PLA2G4C: variants seen among roughly 807,000 people sequenced by gnomAD.
The protein encoded by PLA2G4C is cytosolic phospholipase A2 gamma.
Under a neutral mutation model 73.8 loss-of-function variants are expected in PLA2G4C, and 64 were observed. The ratio of observed to expected loss-of-function variants is 0.87; its 90% confidence interval spans 0.71 to 1.07. The LOEUF (loss-of-function observed/expected upper bound fraction) is 1.07, where lower values mean the gene tolerates loss of function less well. Among genes scored for constraint, PLA2G4C ranks in the 50% least tolerant of loss-of-function variants. The pLI, the probability that PLA2G4C is intolerant of heterozygous loss-of-function variation, is 0.00. For missense variants in PLA2G4C, 622 were observed against 665.4 expected, an observed-to-expected ratio of 0.93 and a Z score of 0.72; for synonymous variants, 254 against 252.1, an observed-to-expected ratio of 1.01 and a Z score of -0.07.
chr19:48,055,011 C>T lies in PLA2G4C; in HGVS notation c.1296G>A (p.Lys432=). ...RATTDYCRRH[K]IPFPQVEEAE... ...CCTCTTCTACTTGGGGAAAGGGGAT[C>T]TTGTGGCGGCGGCAGTAGTCAGTGG... The change falls in exon 15 of 17, where the codon AAG becomes AAA. Residue 432 remains lysine (K), a synonymous_variant. Transcript: ENST00000599921. 1 of 1,612,928 alleles carries T rather than the reference C, an allele frequency of 6.2e-7. No homozygotes were observed. Among genetic ancestry groups the T allele is most frequent in the Non-Finnish European group, 8.5e-7 (1 of 1,179,724 alleles).
At chr19:48,079,215 G>C (rs562294967) in intron 10 of PLA2G4C, among the ~76,000 whole-genome samples, 1 of 152,016 alleles carries the variant, frequency 6.6e-6, no homozygotes, top group Non-Finnish European at 1.5e-5. Flanking sequence ...CATAGCCAAA[G>C]CAAAGACTAA....
chr19:48,080,920 A>T (rs1231284745), intron 10 of PLA2G4C, among the ~76,000 whole-genome samples: 1 of 145,832 alleles, frequency 6.9e-6, no homozygotes, highest in Non-Finnish European at 1.5e-5. Context: ...GCACTTTGGG[A>T]GGCTGAGGCG....
chr19:48,067,157 C>G (rs1026353404), intron 13 of PLA2G4C, among the ~76,000 whole-genome samples: 1 of 147,620 alleles, frequency 6.8e-6, no homozygotes, highest in Non-Finnish European at 1.5e-5. Context: ...AGGGAAAACC[C>G]ATACAAATGT....
intron 16 of PLA2G4C, among the ~76,000 whole-genome samples, chr19:48,050,673 C>CT (rs5828330): frequency 0.17 from 13,505 of 78,624 alleles, 3,548 homozygotes; most frequent in African/African-American, 0.48. Context: ...GAGTATGTGA[C>CT]TTTTTTTTTT....
chr19:48,102,280 C>T (rs1447258046), intron 4 of PLA2G4C, among the ~76,000 whole-genome samples: 4 of 151,820 alleles, frequency 2.6e-5, no homozygotes, highest in Non-Finnish European at 5.9e-5. Flanking sequence ...CACCTGAGGT[C>T]AGAAGTTTGA....
chr19:48,106,761 A>G, intron 1 of PLA2G4C, 200 bp from the exon 2 acceptor site: 1 of 567,076 alleles, frequency 1.8e-6, no homozygotes, highest in South Asian at 2.3e-5. Flanking sequence ...AATGGGAGAA[A>G]TATTTCAAGC....
chr19:48,077,902 C>A, intron 10 of PLA2G4C, 78 bp from the exon 11 acceptor site: 1 of 1,199,846 alleles, frequency 8.3e-7, no homozygotes, highest in Non-Finnish European at 1.2e-6. Context: ...CCTGCAGCGA[C>A]GTCTCTTTAA....
chr19:48,067,827 C>T lies in PLA2G4C; in HGVS notation c.1066G>A (p.Glu356Lys), dbSNP rs1968498387. The change falls in exon 13 of 17, where the codon GAA becomes AAA. Residue 356 changes from glutamate (E) to lysine (K), a missense_variant. Glu to Lys is a moderately conservative substitution (Grantham distance 56, BLOSUM62 1). Coordinates refer to ENST00000599921, the MANE Select transcript of PLA2G4C (RefSeq NM_003706.3). ...KKTGICASKW[E>K]WGTTHNFLYK... ...AGGAAGTTGTGAGTGGTCCCCCATTCCCACTTTGAAGCGCAAATGCCTGTT... is the reference window on the plus strand; with the variant it reads ...AGGAAGTTGTGAGTGGTCCCCCATTTCCACTTTGAAGCGCAAATGCCTGTT... 2.5e-6 allele frequency: 4 copies of T among 1,613,256 alleles called. No individual in the cohort carries two copies. The highest frequency in any genetic ancestry group is 3.4e-6 in the Non-Finnish European group (4 of 1,179,222).
chr19:48,084,969 CTCT>C, intron 10 of PLA2G4C, 87 bp downstream of exon 10: 2 of 907,904 alleles, frequency 2.2e-6, no homozygotes, highest in Non-Finnish European at 3.7e-6. Context: ...ATACACAGGC[CTCT>C]TTTCTGCCAC....
chr19:48,061,638 GAC>G (rs1164314949), intron 14 of PLA2G4C: 2 of 222,460 alleles, frequency 9.0e-6, no homozygotes, highest in African/African-American at 2.3e-5. Flanking sequence ...TGAGCAGGAA[GAC>G]ACGCGCTCGG....
At chr19:48,079,053 A>G (rs575276321) in intron 10 of PLA2G4C, among the ~76,000 whole-genome samples, 1 of 152,182 alleles carries the variant, frequency 6.6e-6, no homozygotes, top group East Asian at 1.9e-4. Context: ...TTTGTAGTAG[A>G]GATGGGGTTT....
chr19:48,098,297 T>C, intron 5 of PLA2G4C, 38 bp from the exon 6 acceptor site: 1 of 1,584,032 alleles, frequency 6.3e-7, no homozygotes, highest in South Asian at 1.1e-5. Context: ...GAGGGAGGCA[T>C]GTGGGTCCCA....
At chr19:48,101,674 C>T (rs1390398576) in intron 4 of PLA2G4C, among the ~76,000 whole-genome samples, 14 of 131,830 alleles carry the variant, frequency 1.1e-4, no homozygotes, top group East Asian at 2.3e-4. Context: ...CCTTTAATAT[C>T]TTTTTTTTTT....
chr19:48,098,300 G>GGGT (rs1306548856), intron 5 of PLA2G4C, 41 bp from the exon 6 acceptor site: 1 of 1,571,866 alleles, frequency 6.4e-7, no homozygotes, highest in African/African-American at 1.4e-5. Context: ...GGAGGCATGT[G>GGGT]GGTCCCACAG....
intron 16 of PLA2G4C, chr19:48,051,749 A>G (rs569555751): frequency 6.6e-6 from 1 of 152,118 alleles, no homozygotes; most frequent in Non-Finnish European, 1.5e-5. Context: ...GGGGACACAG[A>G]GCCAAACCAT....
At chr19:48,076,764 AAAAGG>A (rs1175475037) in intron 11 of PLA2G4C, among the ~76,000 whole-genome samples, 1 of 151,920 alleles carries the variant, frequency 6.6e-6, no homozygotes, top group South Asian at 2.1e-4. Flanking sequence ...AAGAAAAAAG[AAAAGG>A]AAAGGAAAAA....
At chr19:48,062,596 C>A (rs773740351) in intron 13 of PLA2G4C, among the ~76,000 whole-genome samples, 14 of 152,070 alleles carry the variant, frequency 9.2e-5, no homozygotes, top group Non-Finnish European at 5.9e-5. Context: ...GGTGACAGAG[C>A]GAGACTCTAT....
intron 10 of PLA2G4C, among the ~76,000 whole-genome samples, chr19:48,079,296 C>T (rs1359240240): frequency 6.6e-6 from 1 of 152,182 alleles, no homozygotes; most frequent in Non-Finnish European, 1.5e-5. Context: ...GTTACCAAAA[C>T]AGCACGGTAC....
chr19:48,066,986 C>G (rs987850089), intron 13 of PLA2G4C, among the ~76,000 whole-genome samples: 1 of 151,522 alleles, frequency 6.6e-6, no homozygotes, highest in Non-Finnish European at 1.5e-5. Context: ...CACACACACA[C>G]ACATACACAT....
Sources: gnomAD v4.1 joint callset for allele counts (sites outside exome capture counted in the v4.1 genomes callset) on GRCh38, gnomAD v4.1.1 for gene constraint, MANE v1.5 for transcripts, NCBI Gene and HGNC (gene_info 2026-07-23, HGNC 2026-07-21) for gene names.